The following GPR158 variants were observed in gnomAD, a reference collection of about 807,000 sequenced individuals.
The protein encoded by GPR158 is G protein-coupled receptor 158.
In GPR158, 30 loss-of-function variants were observed where a neutral mutation model predicts 78.2. The ratio of observed to expected loss-of-function variants is 0.38; its 90% CI spans 0.29 to 0.52. The LOEUF (loss-of-function observed/expected upper bound fraction) is 0.52, where lower values mean the gene tolerates loss of function less well. Ranked by LOEUF, GPR158 falls within the 20% of genes least tolerant of loss-of-function variation. The pLI is 0.83. For synonymous variants in GPR158, 581 were observed against 591.1 expected, an observed-to-expected ratio of 0.98 and a Z score of 0.25; for missense variants, 1,463 against 1,523.5, an observed-to-expected ratio of 0.96 and a Z score of 0.66.
chr10:25,275,319 A>G (rs1248481355), intron 2 of GPR158, among the ~76,000 whole-genome samples: 1 of 152,178 alleles, frequency 6.6e-6, no homozygotes, highest in Admixed American at 6.5e-5. Context: ...TTCTGACTTA[A>G]TGAAGGCCCC....
rs150570043 is a variant in GPR158 at position 25,227,846 on chromosome 10, A to T, written c.1008+6689A>T. Among the ~76,000 whole-genome samples the T allele has an allele frequency of 6.3e-3, 954 of 152,330 alleles. 12 individuals are homozygous for T. The highest frequency in any genetic ancestry group is 0.022 in the African/African-American group (921 of 41,578). On this transcript the variant is annotated intron_variant, in intron 2 of 10. Transcript: ENST00000376351. ...TAATTTCTGAGACACAAGACTAGTC[A>T]TAAAAGAGAAGTCTTCACACATATT...
At chr10:25,251,819 T>C (rs1438113388) in intron 2 of GPR158, among the ~76,000 whole-genome samples, 1 of 150,394 alleles carries the variant, frequency 6.6e-6, no homozygotes, top group Non-Finnish European at 1.5e-5. Context: ...GAGGAGTATC[T>C]TTGTGGCGTT....
intron 6 of GPR158, among the ~76,000 whole-genome samples, chr10:25,557,339 G>A (rs144145933): frequency 2.1e-4 from 32 of 152,272 alleles, no homozygotes; most frequent in African/African-American, 7.5e-4. Context: ...CTCTTCCTTG[G>A]CATACTTGCA....
intron 6 of GPR158, among the ~76,000 whole-genome samples, chr10:25,571,462 T>C (rs543613820): frequency 6.6e-6 from 1 of 152,286 alleles, no homozygotes; most frequent in South Asian, 2.1e-4. Context: ...GAATAATCTT[T>C]ATAAAAAATT....
At chr10:25,374,102 A>T (rs945931586) in intron 2 of GPR158, among the ~76,000 whole-genome samples, 12 of 151,652 alleles carry the variant, frequency 7.9e-5, no homozygotes, top group Non-Finnish European at 1.8e-4. Flanking sequence ...TTAAATGTAT[A>T]TTATTGGTGC....
At chr10:25,403,091 TATAC>T (rs1161320700) in intron 3 of GPR158, among the ~76,000 whole-genome samples, 1 of 151,910 alleles carries the variant, frequency 6.6e-6, no homozygotes, top group Non-Finnish European at 1.5e-5. Flanking sequence ...TTATTTAAAA[TATAC>T]ATAGTTTTCT....
At chr10:25,252,566 C>A (rs1010013180) in intron 2 of GPR158, among the ~76,000 whole-genome samples, 7 of 150,564 alleles carry the variant, frequency 4.6e-5, no homozygotes, top group African/African-American at 1.7e-4. Flanking sequence ...TGTTGGAATA[C>A]CCTGCCGTGT....
At chr10:25,415,572 T>G (rs760003147) in intron 4 of GPR158, among the ~76,000 whole-genome samples, 1 of 152,070 alleles carries the variant, frequency 6.6e-6, no homozygotes, top group African/African-American at 2.4e-5. Flanking sequence ...TACAGCCCTT[T>G]TGGAAAACAG....
chr10:25,551,070 C>A lies in GPR158; in HGVS notation c.1499C>A (p.Thr500Asn). The change falls in exon 6 of 11, where the codon ACT becomes AAT. Residue 500 changes from threonine (T) to asparagine (N), a missense_variant. Transcript: ENST00000376351. ...TTTGCTACTGTTTACGGAACTGTCA[C>A]TCTCAAACTTCACAGGTATATACAT... ...LGFATVYGTV[T>N]LKLHRVLKVF... The A allele has an allele frequency of 6.4e-7, 1 of 1,565,496 alleles. No homozygotes were observed. Among genetic ancestry groups the A allele is most frequent in the Admixed American group, 1.7e-5 (1 of 59,926 alleles).
At chr10:25,402,527 A>G (rs1433051530) in intron 3 of GPR158, among the ~76,000 whole-genome samples, 2 of 152,062 alleles carry the variant, frequency 1.3e-5, no homozygotes, top group Non-Finnish European at 2.9e-5. Flanking sequence ...AGGACATGCT[A>G]GCTGAAGTGT....
At chr10:25,461,539 G>A (rs10828809) in intron 4 of GPR158, among the ~76,000 whole-genome samples, 2,531 of 152,216 alleles carry the variant, frequency 0.017, 76 homozygotes, top group African/African-American at 0.058. Flanking sequence ...TGGTTGGTTC[G>A]TGAGGTACAA....
intron 5 of GPR158, among the ~76,000 whole-genome samples, chr10:25,471,283 T>C (rs536414881): frequency 3.9e-5 from 6 of 152,282 alleles, no homozygotes; most frequent in African/African-American, 1.4e-4. Context: ...GTGAAGGACA[T>C]GAACTCATCC....
intron 5 of GPR158, among the ~76,000 whole-genome samples, chr10:25,492,721 C>T (rs1835826359): frequency 6.6e-6 from 1 of 151,926 alleles, no homozygotes; most frequent in Admixed American, 6.6e-5. Context: ...AGACAATTTG[C>T]ATGAAGGGAT....
chr10:25,341,780 C>T (rs1006056189), intron 2 of GPR158, among the ~76,000 whole-genome samples: 8 of 151,256 alleles, frequency 5.3e-5, no homozygotes, highest in Non-Finnish European at 1.2e-4. Flanking sequence ...AGGTCTGTGC[C>T]AATCTTTTGT....
chr10:25,240,252 T>A (rs1034359411), intron 2 of GPR158, among the ~76,000 whole-genome samples: 14 of 152,232 alleles, frequency 9.2e-5, no homozygotes, highest in Non-Finnish European at 1.9e-4. Context: ...CTCATGCCTG[T>A]AATCACAGCA....
chr10:25,198,849 G>C (rs1852878941), intron 1 of GPR158, among the ~76,000 whole-genome samples: 1 of 151,958 alleles, frequency 6.6e-6, no homozygotes, highest in Non-Finnish European at 1.5e-5. Context: ...TAACAACTTA[G>C]TGCTCTGGCT....
Position 25,343,112 on chromosome 10 carries a change from A to C in GPR158, c.1009-52799A>C, listed in dbSNP as rs576183260. On this transcript the variant is annotated intron_variant, in intron 2 of 10. Coordinates refer to ENST00000376351, the MANE Select transcript of GPR158 (RefSeq NM_020752.3). ...ATCTTGGTCAAATGGAGATGAGCTT[A>C]AGATGTCTTATAGCCCCTTTTAATC... 5.9e-5 allele frequency among the ~76,000 whole-genome samples: 9 copies of C among 152,142 alleles called. No homozygotes were observed. The South Asian group carries it at 1.7e-3, about 28-fold the overall frequency.
At position 25,251,877 on chromosome 10, in the gene GPR158, G is replaced by C. The variant is rs1321532203; in HGVS notation, c.1008+30720G>C. Among the ~76,000 whole-genome samples the C allele has an allele frequency of 7.2e-5, 11 of 151,870 alleles. No homozygotes were observed. The East Asian group carries it at 2.1e-3, about 29-fold the overall frequency. ...CATTGGCCTGCCTTGCTAGATTGGG[G>C]AAGTTCTCCTGGATAATATCCTGCA... is the stretch of plus-strand genomic sequence containing the variant. On this transcript the variant is annotated intron_variant, in intron 2 of 10. Coordinates refer to ENST00000376351, the MANE Select transcript of GPR158 (RefSeq NM_020752.3).
intron 2 of GPR158, among the ~76,000 whole-genome samples, chr10:25,240,480 G>T (rs1416604732): frequency 6.6e-6 from 1 of 152,200 alleles, no homozygotes; most frequent in Non-Finnish European, 1.5e-5. Context: ...TCCAGCCTGG[G>T]AGACAGAGAC....
Sources: allele counts gnomAD v4.1 joint callset (sites outside exome capture counted in the v4.1 genomes callset), GRCh38; gene constraint gnomAD v4.1.1; transcripts MANE v1.5; gene names NCBI Gene and HGNC (gene_info 2026-07-23, HGNC 2026-07-21).